Variants in AVPR1B observed in about 807,000 individuals in gnomAD.
The protein encoded by AVPR1B is arginine vasopressin receptor 1B, also known as vasopressin V1b receptor.
Under a neutral mutation model 27.5 loss-of-function variants are expected in AVPR1B, and 25 were observed. That is an observed-to-expected ratio of 0.91 (90% CI 0.66 to 1.27). AVPR1B has a LOEUF of 1.27. Ranked by LOEUF, AVPR1B falls within the 50% of genes most tolerant of loss-of-function variation. The probability of loss-of-function intolerance (pLI) is 0.00; values close to 1 mark genes in which losing one functional copy is unlikely to be tolerated. For missense variants in AVPR1B, 595 were observed against 556.9 expected, an observed-to-expected ratio of 1.07 and a Z score of -0.69; for synonymous variants, 248 against 240.2, an observed-to-expected ratio of 1.03 and a Z score of -0.30.
At position 206,107,691 on chromosome 1, in the gene AVPR1B, A is replaced by G. The variant is rs143214419; in HGVS notation, c.*2498T>C. Among the ~76,000 whole-genome samples the G allele has an allele frequency of 3.1e-3, 466 of 152,378 alleles. 4 individuals are homozygous for G. The highest frequency in any genetic ancestry group is 7.6e-3 in the Admixed American group (116 of 15,304). The stretch of plus-strand genomic sequence containing the variant: ...ATCATAGTAGTAAGAGGGGATCTAT[A>G]GAAGGCAAAGGGTAGACAAGAAAGT... On this transcript the variant is annotated 3_prime_UTR_variant, in exon 2 of 2. Transcript: ENST00000367126.
rs781943051 is a variant in AVPR1B, at chr1:206,116,815, A to G, written c.76T>C (p.Trp26Arg). 2 of 1,613,986 alleles carry G rather than the reference A, an allele frequency of 1.2e-6. No homozygotes were observed. The highest frequency in any genetic ancestry group is 1.7e-6 in the Non-Finnish European group (2 of 1,179,968). ...GCCAGCTCCTCATCCCGGCCCAGCC[A>G]GGGTGTTGTGGCATTGGGGGCAGAG... is the stretch of plus-strand genomic sequence containing the variant. ...TLSAPNATTP[W>R]LGRDEELAKV... The change falls in exon 1 of 2, where the codon TGG becomes CGG. Residue 26 changes from tryptophan to arginine, a missense_variant. Coordinates refer to ENST00000367126, the MANE Select transcript of AVPR1B (RefSeq NM_000707.5).
Position 206,110,079 on chromosome 1 carries a change from G to A in AVPR1B, c.*110C>T, listed in dbSNP as rs1304738316. ...GGCCTTTTCGCTCCGCTTTAGACAGGGCTCCTCTAACTCCAACCCTTACCC... is the reference window on the plus strand; with the variant it reads ...GGCCTTTTCGCTCCGCTTTAGACAGAGCTCCTCTAACTCCAACCCTTACCC... On this transcript the variant is annotated 3_prime_UTR_variant, in exon 2 of 2. Transcript: ENST00000367126. 5.5e-6 allele frequency: 7 copies of A among 1,283,998 alleles called. No individual in the cohort carries two copies. The highest frequency in any genetic ancestry group is 1.5e-5 in the African/African-American group (1 of 66,652). 79.5% of individuals were successfully genotyped at this position (1,283,998 alleles called of 1,614,324 possible).
In AVPR1B at chr1:206,116,865, G is replaced by A. The variant is rs781848567; in HGVS notation, c.26C>T (p.Ala9Val). The stretch of plus-strand genomic sequence containing the variant: ...GAGGGTGCCCCGAGGGGTGGGGTTG[G>A]CATCCCACAGAGGCCCAGAATCCAT... MDSGPLWD[A>V]NPTPRGTLSA... Residue 9 changes from alanine to valine, a missense_variant, in exon 1 of 2, where the codon GCC (alanine) becomes GTC (valine). Coordinates refer to ENST00000367126, the MANE Select transcript of AVPR1B (RefSeq NM_000707.5). 1.9e-6 allele frequency: 3 copies of A among 1,612,698 alleles called. No homozygotes were observed. The highest frequency in any genetic ancestry group is 2.2e-5 in the South Asian group (2 of 90,888).
At position 206,116,114 on chromosome 1, in the gene AVPR1B, A is replaced by C. The variant is rs781999424; in HGVS notation, c.777T>G (p.Thr259=). ...RPSPSTLAAT[T]RGLPSRVSSI... is the part of the protein sequence containing the mutation. The stretch of plus-strand genomic sequence containing the variant: ...TGCTGACCCGAGATGGCAGCCCCCG[A>C]GTGGTGGCAGCTAAGGTGGAAGGTG... The change falls in exon 1 of 2, where the codon ACT becomes ACG. Residue 259 remains threonine (T), a synonymous_variant. Coordinates refer to ENST00000367126, the MANE Select transcript of AVPR1B (RefSeq NM_000707.5). 1 of 1,614,056 alleles carries C rather than the reference A, an allele frequency of 6.2e-7. No individual in the cohort carries two copies. The highest frequency in any genetic ancestry group is 2.2e-5 in the East Asian group (1 of 44,882).
rs781823650 is a variant in AVPR1B at position 206,116,417 on chromosome 1, C to G, written c.474G>C (p.Trp158Cys). 4.2e-5 allele frequency: 68 copies of G among 1,613,800 alleles called. No individual in the cohort carries two copies. Among genetic ancestry groups the G allele is most frequent in the Non-Finnish European group, 5.8e-5 (68 of 1,180,054 alleles). Reference sequence around the variant, plus strand: ...GGAGGCTGAAGATGGCGGCCAGCAGCCAGGGAGCAGCGATGAGCAGGTAGG... The same window carrying G: ...GGAGGCTGAAGATGGCGGCCAGCAGGCAGGGAGCAGCGATGAGCAGGTAGG... ...QSTYLLIAAP[W>C]LLAAIFSLPQ... is the part of the protein sequence containing the mutation. Residue 158 changes from tryptophan (W) to cysteine (C), a missense_variant, in exon 1 of 2, where the codon TGG becomes TGC. Coordinates refer to ENST00000367126, the MANE Select transcript of AVPR1B (RefSeq NM_000707.5).
Position 206,108,752 on chromosome 1 carries a change from C to A in AVPR1B, c.*1437G>T, listed in dbSNP as rs1310595745. Among the ~76,000 whole-genome samples the A allele has an allele frequency of 7.2e-5, 11 of 152,248 alleles. No individual in the cohort carries two copies. Among genetic ancestry groups the A allele is most frequent in the African/African-American group, 1.9e-4 (8 of 41,462 alleles). On this transcript the variant is annotated 3_prime_UTR_variant, in exon 2 of 2. Transcript: ENST00000367126. Reference sequence around the variant, plus strand: ...GTCTTTTCCACCAGCAAGGCTCTCTCTTCAATTGGAATCAGAATTGGGTTG... The same window carrying A: ...GTCTTTTCCACCAGCAAGGCTCTCTATTCAATTGGAATCAGAATTGGGTTG...
chr1:206,116,586 C>T lies in AVPR1B; in HGVS notation c.305G>A (p.Gly102Asp). ...GACGGCCCTGCACAGGAGGTCGGGG[C>T]CCTGGAAGCGGTAGGTGATGTCCCA... ...LLWDITYRFQGPDLLCRAVKY... is the reference protein window; with the variant it reads ...LLWDITYRFQDPDLLCRAVKY... The change falls in exon 1 of 2, where the codon GGC (glycine) becomes GAC (aspartate). Residue 102 changes from glycine to aspartate, a missense_variant. Transcript: ENST00000367126. 1 of 1,614,112 alleles carries T rather than the reference C, an allele frequency of 6.2e-7. No individual in the cohort carries two copies. The highest frequency in any genetic ancestry group is 8.5e-7 in the Non-Finnish European group (1 of 1,180,028).
chr1:206,113,323 A>C (rs1238037093), intron 1 of AVPR1B, among the ~76,000 whole-genome samples: 2 of 152,182 alleles, frequency 1.3e-5, no homozygotes, highest in African/African-American at 4.8e-5. Flanking sequence ...GGACAAGGAA[A>C]CAAGCAGGCT....
chr1:206,116,768 C>T lies in AVPR1B; in HGVS notation c.123G>A (p.Leu41=). Residue 41 remains leucine (L), a synonymous_variant, in exon 1 of 2, where the codon CTG becomes CTA. Coordinates refer to ENST00000367126, the MANE Select transcript of AVPR1B (RefSeq NM_000707.5). The stretch of plus-strand genomic sequence containing the variant: ...CGGTCGCCAGCACCAGGACAGTGGC[C>T]AGGACTCCGATCTCCACCTTGGCCA... ...EELAKVEIGV[L]ATVLVLATGG... is the part of the protein sequence containing the mutation. 6.2e-7 allele frequency: 1 copy of T among 1,613,426 alleles called. No homozygotes were observed. Among genetic ancestry groups the T allele is most frequent in the East Asian group, 2.2e-5 (1 of 44,842 alleles).
Position 206,117,001 on chromosome 1 carries a change from A to G in AVPR1B, c.-111T>C, listed in dbSNP as rs1349627149. On this transcript the variant is annotated 5_prime_UTR_variant, in exon 1 of 2. Coordinates refer to ENST00000367126, the MANE Select transcript of AVPR1B (RefSeq NM_000707.5). ...AGGTGGAGAGAAAGGAGAAGCGTTG[A>G]GAATGACAGGGAGAAGGCTTGCAAA... The G allele has an allele frequency of 8.7e-6, 9 of 1,030,348 alleles. No homozygotes were observed. The East Asian group carries it at 2.2e-4, about 25-fold the overall frequency. 63.8% of individuals were successfully genotyped at this position (1,030,348 alleles called of 1,614,324 possible). A position where few individuals can be genotyped will look rare whatever the true frequency, so the allele number is the denominator to read the frequency against.
In AVPR1B at chr1:206,110,193, A is replaced by G. The variant is rs902316568; in HGVS notation, c.1271T>C (p.Phe424Ser). Reference protein sequence around the residue: ...DGEGTAETIIF With the variant: ...DGEGTAETIIS ...CCAGACCCCAGCGAGTCTTTCCTAA[A>G]AGATGATGGTCTCAGCGGTGCCTTC... is the stretch of plus-strand genomic sequence containing the variant. The change falls in exon 2 of 2, where the codon TTT becomes TCT. Residue 424 changes from phenylalanine (F) to serine (S), a missense_variant. Physicochemically the swap from Phe to Ser is radical, Grantham distance 155 (BLOSUM62 -2). Transcript: ENST00000367126. 4 of 1,602,796 alleles carry G rather than the reference A, an allele frequency of 2.5e-6. No individual in the cohort carries two copies. The highest frequency in any genetic ancestry group is 1.3e-5 in the African/African-American group (1 of 74,620).
rs782275775 is a variant in AVPR1B, at chr1:206,116,843, G to A, written c.48C>T (p.Thr16=). 9 of 1,613,814 alleles carry A rather than the reference G, an allele frequency of 5.6e-6. No homozygotes were observed. In the African/African-American group the frequency reaches 9.3e-5, roughly 17 times the overall value. The part of the protein sequence containing the change: ...LWDANPTPRG[T]LSAPNATTPW... ...GTGTTGTGGCATTGGGGGCAGAGAG[G>A]GTGCCCCGAGGGGTGGGGTTGGCAT... is the stretch of plus-strand genomic sequence containing the variant. The change falls in exon 1 of 2, where the codon ACC becomes ACT. Residue 16 remains threonine (T), a synonymous_variant. Coordinates refer to ENST00000367126, the MANE Select transcript of AVPR1B (RefSeq NM_000707.5).
Position 206,110,004 on chromosome 1 carries a change from C to G in AVPR1B, c.*185G>C. On this transcript the variant is annotated 3_prime_UTR_variant, in exon 2 of 2. Transcript: ENST00000367126. Reference sequence around the variant, plus strand: ...TGTCTGAGATTGGGAGCTTATGAGGCAGCCCTCACACTAGGGGCAGCTGTG... The same window carrying G: ...TGTCTGAGATTGGGAGCTTATGAGGGAGCCCTCACACTAGGGGCAGCTGTG... 1.6e-6 allele frequency: 1 copy of G among 638,440 alleles called. No homozygotes were observed. The highest frequency in any genetic ancestry group is 2.7e-6 in the Non-Finnish European group (1 of 374,302). The allele number at this position is 638,440 out of a possible 1,614,324, so 39.5% of individuals were successfully genotyped here.
rs573288502 is a variant in AVPR1B, at chr1:206,116,547, A to G, written c.344T>C (p.Val115Ala). The stretch of plus-strand genomic sequence containing the variant: ...GTAGGTGGAGGCAAACATGCTGAGC[A>G]CCTGCAGGTACTTGACGGCCCTGCA... The part of the protein sequence containing the change: ...LLCRAVKYLQ[V>A]LSMFASTYML... The change falls in exon 1 of 2, where the codon GTG (valine) becomes GCG (alanine). Residue 115 changes from valine to alanine, a missense_variant. Physicochemically the swap from Val to Ala is moderately conservative, Grantham distance 64 (BLOSUM62 0). Transcript: ENST00000367126. The G allele has an allele frequency of 4.3e-5, 70 of 1,614,152 alleles. 2 individuals are homozygous for G. The East Asian group carries it at 6.9e-4, about 16-fold the overall frequency.
At chr1:206,115,716 T>A (rs1260174050) in intron 1 of AVPR1B, among the ~76,000 whole-genome samples, 2 of 152,216 alleles carry the variant, frequency 1.3e-5, no homozygotes, top group African/African-American at 4.8e-5. Context: ...TTAAAATTGT[T>A]AGTTACCAAA....
intron 1 of AVPR1B, among the ~76,000 whole-genome samples, chr1:206,113,350 G>T (rs1663410502): frequency 1.3e-5 from 2 of 152,204 alleles, no homozygotes; most frequent in South Asian, 4.1e-4. Context: ...AAAGACTTGG[G>T]GCTAGGGGGC....
At position 206,108,371 on chromosome 1, in the gene AVPR1B, G is replaced by C. The variant is rs533791100; in HGVS notation, c.*1818C>G. Among the ~76,000 whole-genome samples, 4 of 152,318 alleles carry C rather than the reference G, an allele frequency of 2.6e-5. No individual in the cohort carries two copies. The highest frequency in any genetic ancestry group is 9.6e-5 in the African/African-American group (4 of 41,590). ...TAGCACTGAAGGACTGGGACGCTTT[G>C]CTCACTCACAACATTCAGCAAGGCT... On this transcript the variant is annotated 3_prime_UTR_variant, in exon 2 of 2. Coordinates refer to ENST00000367126, the MANE Select transcript of AVPR1B (RefSeq NM_000707.5).
rs782444612 is a variant in AVPR1B at position 206,116,480 on chromosome 1, A to G, written c.411T>C (p.Cys137=). The part of the protein sequence containing the change: ...AMTLDRYLAV[C]HPLRSLQQPG... ...GCTGCTGGAGGCTGCGCAGGGGGTGACAGACAGCCAGGTAGCGGTCCAGCG... is the reference window on the plus strand; with the variant it reads ...GCTGCTGGAGGCTGCGCAGGGGGTGGCAGACAGCCAGGTAGCGGTCCAGCG... Residue 137 remains cysteine, a synonymous_variant, in exon 1 of 2, where the codon TGT becomes TGC. Coordinates refer to ENST00000367126, the MANE Select transcript of AVPR1B (RefSeq NM_000707.5). 1.9e-6 allele frequency: 3 copies of G among 1,613,840 alleles called. No individual in the cohort carries two copies. Among genetic ancestry groups the G allele is most frequent in the African/African-American group, 2.7e-5 (2 of 74,926 alleles).
intron 1 of AVPR1B, among the ~76,000 whole-genome samples, chr1:206,110,972 C>T (rs185175078): frequency 3.3e-5 from 5 of 152,304 alleles, no homozygotes; most frequent in African/African-American, 9.6e-5. Flanking sequence ...TCCCCACTTA[C>T]ATTATACATC....
Sources: allele counts gnomAD v4.1 joint callset (sites outside exome capture counted in the v4.1 genomes callset), GRCh38; gene constraint gnomAD v4.1.1; transcripts MANE v1.5; gene names NCBI Gene and HGNC (gene_info 2026-07-23, HGNC 2026-07-21).